PCLO: variants seen among roughly 807,000 people sequenced by gnomAD.
PCLO encodes the protein protein piccolo.
PCLO carries 82 observed loss-of-function variants against 427.5 expected under a neutral mutation model. The observed-to-expected ratio is 0.19, with a 90% CI of 0.16 to 0.23. The LOEUF (loss-of-function observed/expected upper bound fraction) is 0.23. Among genes scored for constraint, PCLO ranks in the 10% least tolerant of loss-of-function variants. The pLI, the probability that PCLO is intolerant of heterozygous loss-of-function variation, is 1.00. For synonymous variants in PCLO, 2,357 were observed against 2,155.4 expected (o/e 1.09, Z -2.59); for missense variants, 6,239 against 6,115.9 (o/e 1.02, Z -0.67).
At position 82,820,709 on chromosome 7, in the gene PCLO, T is replaced by A; in HGVS notation, c.14791+1786A>T. 2.4e-6 allele frequency: 3 copies of A among 1,231,176 alleles called. No individual in the cohort carries two copies. The Admixed American group carries it at 1.3e-4, about 52-fold the overall frequency. The allele number at this position is 1,231,176 out of a possible 1,614,324, so 76.3% of individuals were successfully genotyped here. A position where few individuals can be genotyped will look rare whatever the true frequency, so the allele number is the denominator to read the frequency against. The stretch of plus-strand genomic sequence containing the variant: ...AAATTTTTAAAAGTTACACTTGAAA[T>A]AATAGGCAAAAAACACTGATCCACA... On this transcript the variant is annotated intron_variant, in intron 20 of 24. Transcript: ENST00000333891.
At chr7:82,927,503 A>C (rs1244961339) in intron 6 of PCLO, among the ~76,000 whole-genome samples, 2 of 152,160 alleles carry the variant, frequency 1.3e-5, no homozygotes. Context: ...ACACTTGGCT[A>C]TCTCTGTGAG....
At chr7:82,927,738 C>A (rs1489189209) in intron 6 of PCLO, among the ~76,000 whole-genome samples, 1 of 152,118 alleles carries the variant, frequency 6.6e-6, no homozygotes, top group African/African-American at 2.4e-5. Flanking sequence ...TTATACACAT[C>A]AATTAATATT....
At position 82,780,749 on chromosome 7, in the gene PCLO, T is replaced by G. The variant is rs563418877; in HGVS notation, c.15008-19256A>C. On this transcript the variant is annotated intron_variant, in intron 22 of 24. Transcript: ENST00000333891. The stretch of plus-strand genomic sequence containing the variant: ...GTGGTTACTAACAATATTAGAATTC[T>G]TCTAAGCCCACATATGTCTGACATT... Among the ~76,000 whole-genome samples the G allele has an allele frequency of 1.6e-4, 24 of 152,362 alleles. 1 individual carries two copies. Among genetic ancestry groups the G allele is most frequent in the African/African-American group, 5.3e-4 (22 of 41,588 alleles).
intron 3 of PCLO, among the ~76,000 whole-genome samples, chr7:83,108,189 T>G (rs972974052): frequency 1.3e-5 from 2 of 152,072 alleles, no homozygotes; most frequent in African/African-American, 4.8e-5. Flanking sequence ...TAAGAATACA[T>G]TGACTTGAGA....
At chr7:83,131,346 T>C (rs1191674226) in intron 3 of PCLO, among the ~76,000 whole-genome samples, 2 of 151,906 alleles carry the variant, frequency 1.3e-5, no homozygotes, top group African/African-American at 4.8e-5. Context: ...TCAGGTACAG[T>C]GGGAGGTGTT....
At chr7:82,993,073 C>T (rs553528830) in intron 3 of PCLO, among the ~76,000 whole-genome samples, 1 of 152,040 alleles carries the variant, frequency 6.6e-6, no homozygotes, top group Non-Finnish European at 1.5e-5. Context: ...TTGATCTTCC[C>T]TCCCAAGCTG....
chr7:83,141,816 G>A (rs1403588880), intron 2 of PCLO, among the ~76,000 whole-genome samples: 2 of 151,962 alleles, frequency 1.3e-5, no homozygotes, highest in Non-Finnish European at 2.9e-5. Context: ...TCAATTAATG[G>A]TGCCCTTTTC....
chr7:82,845,624 T>C, intron 12 of PCLO, 139 bp from the exon 13 acceptor site: 1 of 636,514 alleles, frequency 1.6e-6, no homozygotes, highest in Admixed American at 2.8e-5. Flanking sequence ...ATTAACTCTA[T>C]TGTACTTTTA....
chr7:83,067,947 T>C (rs376214171), intron 3 of PCLO, among the ~76,000 whole-genome samples: 2 of 12,544 alleles, frequency 1.6e-4, no homozygotes, highest in African/African-American at 2.6e-3. Context: ...AGGTTTTGTT[T>C]ACCTTCTAAG....
At position 82,758,589 on chromosome 7, in the gene PCLO, T is replaced by C. The variant is rs539111932; in HGVS notation, c.15415A>G (p.Thr5139Ala). Residue 5139 changes from threonine (T) to alanine (A), a missense_variant, in exon 25 of 25, where the codon ACT becomes GCT. By Grantham distance (58) the Thr-to-Ala change is moderately conservative (BLOSUM62 0). Transcript: ENST00000333891. ...VNWHKLLVSPTQTH is the reference protein window; with the variant it reads ...VNWHKLLVSPAQTH ...GACATGTTTCTTCAATGCGTTTGAG[T>C]AGGACTGACCAAAAGTTTGTGCCAG... 1.1e-5 allele frequency: 18 copies of C among 1,611,350 alleles called. No individual in the cohort carries two copies. In the Admixed American group the frequency reaches 2.5e-4, roughly 22 times the overall value.
At chr7:82,983,720 A>C (rs1487854388) in intron 3 of PCLO, among the ~76,000 whole-genome samples, 1 of 151,584 alleles carries the variant, frequency 6.6e-6, no homozygotes, top group Non-Finnish European at 1.5e-5. Flanking sequence ...AAGGCACAAA[A>C]ATGAAAGAAG....
chr7:83,052,535 C>T (rs186071938), intron 3 of PCLO, among the ~76,000 whole-genome samples: 107 of 152,028 alleles, frequency 7.0e-4, no homozygotes, highest in Non-Finnish European at 1.3e-3. Flanking sequence ...TGAGATAATG[C>T]TTATCATGTG....
chr7:82,872,498 G>A (rs1375950975), intron 10 of PCLO, among the ~76,000 whole-genome samples: 2 of 151,932 alleles, frequency 1.3e-5, no homozygotes, highest in African/African-American at 4.8e-5. Context: ...CCTGACAAAT[G>A]TAAAAACAGT....
At chr7:82,959,935 C>T (rs543027837) in intron 4 of PCLO, among the ~76,000 whole-genome samples, 3 of 152,262 alleles carry the variant, frequency 2.0e-5, no homozygotes, top group African/African-American at 7.2e-5. Flanking sequence ...CAGTGACGAT[C>T]GGAGCCCCAT....
rs1020381943 is a variant in PCLO at position 82,975,103 on chromosome 7, T to C, written c.3301-8616A>G. 5.3e-5 allele frequency among the ~76,000 whole-genome samples: 8 copies of C among 152,292 alleles called. No homozygotes were observed. The South Asian group carries it at 1.7e-3, about 32-fold the overall frequency. ...GTATATCTTTATTATAAAATCTGTA[T>C]ACTGATTTTGCATGTGTGAATAATT... On this transcript the variant is annotated intron_variant, in intron 3 of 24. Coordinates refer to ENST00000333891, the MANE Select transcript of PCLO (RefSeq NM_033026.6).
chr7:82,850,756 T>C (rs764302560), intron 10 of PCLO, among the ~76,000 whole-genome samples: 2 of 152,180 alleles, frequency 1.3e-5, no homozygotes, highest in Non-Finnish European at 2.9e-5. Flanking sequence ...TGGTAGGCAC[T>C]ACACAATTCA....
chr7:83,117,527 TCAAGAGCTGA>T (rs1562971877), intron 3 of PCLO, among the ~76,000 whole-genome samples: 1 of 152,188 alleles, frequency 6.6e-6, no homozygotes, highest in East Asian at 1.9e-4. Flanking sequence ...ACAGGCAGCC[TCAAGAGCTGA>T]CATACTATCT....
chr7:82,929,080 T>A (rs1794782130), intron 6 of PCLO, among the ~76,000 whole-genome samples: 1 of 151,788 alleles, frequency 6.6e-6, no homozygotes, highest in Non-Finnish European at 1.5e-5. Flanking sequence ...TAAGAAACAG[T>A]CTAAGGGTCA....
chr7:82,825,356 T>C (rs2371214), intron 18 of PCLO, among the ~76,000 whole-genome samples: 65,481 of 151,726 alleles, frequency 0.43, 15,563 homozygotes, highest in East Asian at 0.85. Flanking sequence ...TCAGGCATAA[T>C]ACTAATCTAG....
Sources: gnomAD v4.1 joint callset for allele counts (sites outside exome capture counted in the v4.1 genomes callset) on GRCh38, gnomAD v4.1.1 for gene constraint, MANE v1.5 for transcripts, NCBI Gene and HGNC (gene_info 2026-07-23, HGNC 2026-07-21) for gene names.